The following ADAMTS17 variants were observed in gnomAD, a reference collection of about 807,000 sequenced individuals.
ADAMTS17 encodes A disintegrin and metalloproteinase with thrombospondin motifs 17.
Under a neutral mutation model 141.5 loss-of-function variants are expected in ADAMTS17, and 113 were observed. The observed-to-expected ratio is 0.80, with a 90% CI of 0.69 to 0.93. The LOEUF (loss-of-function observed/expected upper bound fraction) is 0.93. Among genes scored for constraint, ADAMTS17 ranks in the 40% least tolerant of loss-of-function variants. The probability of loss-of-function intolerance (pLI) is 0.00; values close to 1 mark genes in which losing one functional copy is unlikely to be tolerated. For synonymous variants in ADAMTS17, 768 were observed against 630.6 expected (o/e 1.22, Z -3.27); for missense variants, 1,659 against 1,517.9 (o/e 1.09, Z -1.54).
chr15:99,975,999 G>A, intron 21 of ADAMTS17, 46 bp downstream of exon 21: 3 of 1,525,658 alleles, frequency 2.0e-6, no homozygotes, highest in Non-Finnish European at 2.7e-6. Flanking sequence ...TACTGGGCAG[G>A]AGACACAGCA....
intron 10 of ADAMTS17, among the ~76,000 whole-genome samples, chr15:100,152,108 A>C (rs1216384139): frequency 1.3e-5 from 2 of 152,212 alleles, no homozygotes; most frequent in Non-Finnish European, 2.9e-5. Flanking sequence ...AACAAGCGGT[A>C]ACTGTTTAAT....
At chr15:100,266,341 A>T (rs4965299) in intron 4 of ADAMTS17, among the ~76,000 whole-genome samples, 1 of 152,082 alleles carries the variant, frequency 6.6e-6, no homozygotes, top group South Asian at 2.1e-4. Context: ...CCACAACTGC[A>T]GGGCCAGAGT....
intron 18 of ADAMTS17, among the ~76,000 whole-genome samples, chr15:100,001,994 C>CAAAAAAAAAA (rs71151931): frequency 5.1e-5 from 3 of 58,362 alleles, no homozygotes; most frequent in Non-Finnish European, 6.3e-5. Context: ...AGGCCAAACC[C>CAAAAAAAAAA]AAAAAAAAAA....
intron 18 of ADAMTS17, among the ~76,000 whole-genome samples, chr15:100,044,524 T>C (rs1441842146): frequency 6.6e-6 from 1 of 152,248 alleles, no homozygotes; most frequent in Non-Finnish European, 1.5e-5. Context: ...GAGTATATCT[T>C]TGTTGCTTCT....
rs1190468083 is a variant in ADAMTS17 at position 100,285,890 on chromosome 15, G to A, written c.617-4489C>T. Among the ~76,000 whole-genome samples, 3 of 152,196 alleles carry A rather than the reference G, an allele frequency of 2.0e-5. No individual in the cohort carries two copies. The East Asian group carries it at 5.8e-4, about 29-fold the overall frequency. On this transcript the variant is annotated intron_variant, in intron 3 of 21. Coordinates refer to ENST00000268070, the MANE Select transcript of ADAMTS17 (RefSeq NM_139057.4). ...TTTGGGTGACTGCTGGACCTGCACA[G>A]ACCAGGGTGGTCTTGCCCATAGGAT...
intron 3 of ADAMTS17, among the ~76,000 whole-genome samples, chr15:100,312,031 C>T (rs991498012): frequency 6.6e-5 from 10 of 152,160 alleles, no homozygotes; most frequent in Admixed American, 5.2e-4. Context: ...GAGGGATGGT[C>T]GTCCCCAGAA....
intron 7 of ADAMTS17, among the ~76,000 whole-genome samples, chr15:100,229,281 A>AC (rs1173960092): frequency 9.8e-6 from 1 of 101,856 alleles, no homozygotes; most frequent in Non-Finnish European, 2.1e-5. Context: ...AGCTCTCCCC[A>AC]CCCCCTCCCC....
chr15:100,136,118 G>T (rs2038317914), intron 10 of ADAMTS17, among the ~76,000 whole-genome samples: 1 of 152,220 alleles, frequency 6.6e-6, no homozygotes, highest in South Asian at 2.1e-4. Context: ...CAAAGACATT[G>T]TCAAGAAAGT....
chr15:100,067,265 T>C (rs1485825273), intron 15 of ADAMTS17, among the ~76,000 whole-genome samples: 1 of 151,826 alleles, frequency 6.6e-6, no homozygotes. Flanking sequence ...AAGTGGCCCA[T>C]CTGTCTCAGC....
At chr15:100,244,414 A>G (rs58156339) in intron 7 of ADAMTS17, among the ~76,000 whole-genome samples, 117,255 of 147,908 alleles carry the variant, frequency 0.79, 46,824 homozygotes, top group East Asian at 0.94. Context: ...TTACTGATAC[A>G]GTTTGGCTGT....
intron 4 of ADAMTS17, among the ~76,000 whole-genome samples, chr15:100,268,818 C>A (rs115841142): frequency 2.0e-5 from 3 of 152,078 alleles, no homozygotes; most frequent in African/African-American, 7.2e-5. Flanking sequence ...GGCAGAACAG[C>A]CAAAGCAATC....
In ADAMTS17 at chr15:100,268,973, C is replaced by T. The variant is rs112606231; in HGVS notation, c.790-6538G>A. ...CAGAAACAGGAACCCAGAAATAATG[C>T]CACATCATACCTACAACCATCTAAT... On this transcript the variant is annotated intron_variant, in intron 4 of 21. Coordinates refer to ENST00000268070, the MANE Select transcript of ADAMTS17 (RefSeq NM_139057.4). Among the ~76,000 whole-genome samples, 562 of 66,708 alleles carry T rather than the reference C, an allele frequency of 8.4e-3. 2 individuals carry two copies. Among genetic ancestry groups the T allele is most frequent in the African/African-American group, 0.028 (513 of 18,056 alleles). 43.8% of individuals were successfully genotyped at this position (66,708 alleles called of 152,430 possible). A position where few individuals can be genotyped will look rare whatever the true frequency, so the allele number is the denominator to read the frequency against.
At chr15:99,986,885 G>A (rs1211453510) in intron 20 of ADAMTS17, among the ~76,000 whole-genome samples, 1 of 152,196 alleles carries the variant, frequency 6.6e-6, no homozygotes, top group Non-Finnish European at 1.5e-5. Flanking sequence ...CGGGTGGGAA[G>A]GCAGCTGCAG....
intron 15 of ADAMTS17, among the ~76,000 whole-genome samples, chr15:100,059,589 T>A (rs892501115): frequency 5.9e-5 from 9 of 152,230 alleles, no homozygotes; most frequent in Non-Finnish European, 1.2e-4. Flanking sequence ...TCAAAAGAGA[T>A]GTCAGCCTCA....
intron 13 of ADAMTS17, 86 bp from the exon 14 acceptor site, chr15:100,109,202 C>A: frequency 6.5e-7 from 1 of 1,543,138 alleles, no homozygotes; most frequent in South Asian, 1.2e-5. Flanking sequence ...CAGAGGGAAA[C>A]CCTGAGGAAG....
At chr15:100,179,077 C>G (rs1402566530) in intron 8 of ADAMTS17, among the ~76,000 whole-genome samples, 1 of 152,084 alleles carries the variant, frequency 6.6e-6, no homozygotes, top group Non-Finnish European at 1.5e-5. Context: ...ATCATCATCT[C>G]CAACAATCCA....
intron 3 of ADAMTS17, among the ~76,000 whole-genome samples, chr15:100,305,312 T>C (rs1355469059): frequency 6.6e-6 from 1 of 152,226 alleles, no homozygotes; most frequent in Non-Finnish European, 1.5e-5. Flanking sequence ...TTGCCAGATT[T>C]GTTTATTTGT....
intron 6 of ADAMTS17, among the ~76,000 whole-genome samples, chr15:100,258,576 A>C (rs1469110535): frequency 6.6e-6 from 1 of 152,122 alleles, no homozygotes; most frequent in Non-Finnish European, 1.5e-5. Flanking sequence ...TTGTGCAGGG[A>C]AACACCCCCT....
chr15:99,972,628 GCGCAGGC>G lies in ADAMTS17; in HGVS notation c.*1767_*1773del, dbSNP rs1567621624. On this transcript the variant is annotated 3_prime_UTR_variant, in exon 22 of 22. Coordinates refer to ENST00000268070, the MANE Select transcript of ADAMTS17 (RefSeq NM_139057.4). ...GGCCTGAAGGGGAGGACAGCAGTCT[GCGCAGGC>G]CGCGGGGCGAGGGTGGGCCGCTCCA... is the stretch of plus-strand genomic sequence containing the variant. 2 of 152,352 alleles carry G rather than the reference GCGCAGGC, an allele frequency of 1.3e-5. No homozygotes were observed. The highest frequency in any genetic ancestry group is 6.5e-5 in the Admixed American group (1 of 15,314). 9.4% of individuals were successfully genotyped at this position (152,352 alleles called of 1,614,324 possible).
Sources: gnomAD v4.1 joint callset for allele counts (sites outside exome capture counted in the v4.1 genomes callset) on GRCh38, gnomAD v4.1.1 for gene constraint, MANE v1.5 for transcripts, NCBI Gene and HGNC (gene_info 2026-07-23, HGNC 2026-07-21) for gene names.